Variants in SLC14A1 observed in about 807,000 individuals in gnomAD.
SLC14A1 encodes urea transporter 1.
A neutral mutation model predicts 39.6 loss-of-function variants in SLC14A1; 36 were observed. The ratio of observed to expected loss-of-function variants is 0.91; its 90% CI spans 0.70 to 1.20. The LOEUF (loss-of-function observed/expected upper bound fraction) is 1.20. Ranked by LOEUF, SLC14A1 falls within the 50% of genes most tolerant of loss-of-function variation. SLC14A1 has a pLI of 0.00. For missense variants in SLC14A1, 469 were observed against 478.7 expected (o/e 0.98, Z 0.19); for synonymous variants, 164 against 173.6 (o/e 0.94, Z 0.43).
intron 9 of SLC14A1, among the ~76,000 whole-genome samples, chr18:45,748,682 CATATT>C (rs1243061027): frequency 6.6e-6 from 1 of 152,168 alleles, no homozygotes; most frequent in Non-Finnish European, 1.5e-5. Context: ...GGTTGTATAA[CATATT>C]ATCAAGTTCA....
intron 2 of SLC14A1, chr18:45,729,555 C>G (rs1034512935): frequency 8.5e-5 from 13 of 152,188 alleles, no homozygotes; most frequent in Non-Finnish European, 1.9e-4. Context: ...GATTACAGCT[C>G]TTTGGTTTTC....
At chr18:45,736,320 T>C (rs1798954928) in intron 5 of SLC14A1, 136 bp from the exon 6 acceptor site, 2 of 786,788 alleles carry the variant, frequency 2.5e-6, no homozygotes, top group Non-Finnish European at 4.4e-6. Context: ...CCAAGTTTTC[T>C]TTCTGTGGCA....
chr18:45,745,766 A>G (rs2047528720), intron 8 of SLC14A1, among the ~76,000 whole-genome samples: 1 of 152,212 alleles, frequency 6.6e-6, no homozygotes, highest in South Asian at 2.1e-4. Flanking sequence ...GCAGTGTGTG[A>G]GAGTGCCCAC....
intron 2 of SLC14A1, among the ~76,000 whole-genome samples, chr18:45,726,199 C>G (rs1389804292): frequency 6.6e-6 from 1 of 152,206 alleles, no homozygotes; most frequent in African/African-American, 2.4e-5. Flanking sequence ...CATGCACACA[C>G]ACAATTTTTA....
chr18:45,741,873 T>G (rs756311360), intron 8 of SLC14A1, among the ~76,000 whole-genome samples: 1 of 152,230 alleles, frequency 6.6e-6, no homozygotes, highest in African/African-American at 2.4e-5. Context: ...TGAGATTGGT[T>G]AGGGGTTTCA....
Position 45,751,050 on chromosome 18 carries a change from A to C in SLC14A1, c.*1099A>C. The C allele has an allele frequency of 1.0e-6, 1 of 984,508 alleles. No individual in the cohort carries two copies. The highest frequency in any genetic ancestry group is 1.2e-6 in the Non-Finnish European group (1 of 829,108). 61.0% of individuals were successfully genotyped at this position (984,508 alleles called of 1,614,324 possible). ...CAATGGCATTTGAACCACCAAAAAG[A>C]AATAAAGGGCTGAGTGCGGTGGCTC... On this transcript the variant is annotated 3_prime_UTR_variant, in exon 10 of 10. Transcript: ENST00000321925.
At chr18:45,734,525 T>C (rs1005535831) in intron 5 of SLC14A1, 123 bp downstream of exon 5, 35 of 1,014,006 alleles carry the variant, frequency 3.5e-5, no homozygotes, top group Non-Finnish European at 4.9e-5. Context: ...TCTGAATGTA[T>C]AGTGGTGATG....
At chr18:45,735,448 T>C (rs2047165771) in intron 5 of SLC14A1, among the ~76,000 whole-genome samples, 1 of 152,168 alleles carries the variant, frequency 6.6e-6, no homozygotes, top group Non-Finnish European at 1.5e-5. Context: ...AAAAAATTTT[T>C]TTGCTGAATT....
chr18:45,731,475 G>T, intron 4 of SLC14A1: 1 of 485,114 alleles, frequency 2.1e-6, no homozygotes, highest in South Asian at 2.2e-5. Flanking sequence ...CCCTGGAGAG[G>T]TTCTGAAGGG....
intron 8 of SLC14A1, among the ~76,000 whole-genome samples, chr18:45,744,960 A>G (rs903711793): frequency 7.2e-5 from 11 of 152,174 alleles, no homozygotes; most frequent in Non-Finnish European, 1.3e-4. Context: ...ATTAAATTTT[A>G]CTGGCTGGGT....
intron 6 of SLC14A1, chr18:45,737,339 TA>T (rs1458079828): frequency 6.6e-6 from 1 of 152,654 alleles, no homozygotes; most frequent in Admixed American, 6.5e-5. Context: ...CTGTATTTTT[TA>T]AAACCTGGTT....
Position 45,751,808 on chromosome 18 carries a change from A to C in SLC14A1, c.*1857A>C. ...AAAAAATTAATTAATTAATTAATTAATTAATTTAAAAAGGAAGTCATGTTC... is the reference window on the plus strand; with the variant it reads ...AAAAAATTAATTAATTAATTAATTACTTAATTTAAAAAGGAAGTCATGTTC... On this transcript the variant is annotated 3_prime_UTR_variant, in exon 10 of 10. Transcript: ENST00000321925. 1.1e-6 allele frequency: 1 copy of C among 914,114 alleles called. No individual in the cohort carries two copies. The highest frequency in any genetic ancestry group is 5.1e-5 in the South Asian group (1 of 19,644). 56.6% of individuals were successfully genotyped at this position (914,114 alleles called of 1,614,324 possible).
At chr18:45,734,468 G>A (rs1201021794) in intron 5 of SLC14A1, 66 bp downstream of exon 5, 1 of 1,564,508 alleles carries the variant, frequency 6.4e-7, no homozygotes, top group Non-Finnish European at 8.8e-7. Flanking sequence ...GAGGGAATGG[G>A]AGTTGTTATA....
chr18:45,742,740 C>T (rs1467110087), intron 8 of SLC14A1, among the ~76,000 whole-genome samples: 6 of 151,366 alleles, frequency 4.0e-5, no homozygotes, highest in Non-Finnish European at 8.8e-5. Context: ...TGCAGTGGCA[C>T]GATCTCAGCT....
chr18:45,726,781 T>C lies in SLC14A1; in HGVS notation c.-22+1768T>C, dbSNP rs919768365. ...CAGAAAACAGAGCCCACATCATGCA[T>C]CCTTCTTCTCACATTTCATAAACAA... On this transcript the variant is annotated intron_variant, in intron 2 of 9. Coordinates refer to ENST00000321925, the MANE Select transcript of SLC14A1 (RefSeq NM_015865.7). 6 of 155,190 alleles carry C rather than the reference T, an allele frequency of 3.9e-5. No homozygotes were observed. The South Asian group carries it at 6.0e-4, about 15-fold the overall frequency. 9.6% of individuals were successfully genotyped at this position (155,190 alleles called of 1,614,324 possible).
intron 8 of SLC14A1, 113 bp from the exon 9 acceptor site, chr18:45,748,263 C>A: frequency 8.8e-7 from 1 of 1,136,602 alleles, no homozygotes; most frequent in Non-Finnish European, 1.3e-6. Flanking sequence ...TAGGCTCATG[C>A]TTGTAATCAG....
At chr18:45,728,233 G>T (rs9304322) in intron 2 of SLC14A1, among the ~76,000 whole-genome samples, 63,018 of 151,790 alleles carry the variant, frequency 0.42, 14,048 homozygotes, top group East Asian at 0.52. Context: ...CTATTATCAG[G>T]TTTCGAATCT....
intron 2 of SLC14A1, chr18:45,727,567 G>A: frequency 2.0e-6 from 2 of 999,694 alleles, no homozygotes; most frequent in Non-Finnish European, 2.8e-6. Flanking sequence ...AAGCCCCATG[G>A]CGCTCACCTT....
intron 8 of SLC14A1, among the ~76,000 whole-genome samples, chr18:45,747,480 A>G (rs567726815): frequency 1.2e-3 from 176 of 152,058 alleles, no homozygotes; most frequent in African/African-American, 4.1e-3. Context: ...CAAGGTCAGG[A>G]GATTGAGACC....
Sources: gnomAD v4.1 joint callset for allele counts (sites outside exome capture counted in the v4.1 genomes callset) on GRCh38, gnomAD v4.1.1 for gene constraint, MANE v1.5 for transcripts, NCBI Gene and HGNC (gene_info 2026-07-23, HGNC 2026-07-21) for gene names.